KCNMA1: variants seen among roughly 807,000 people sequenced by gnomAD.
KCNMA1 encodes the protein Calcium-activated potassium channel subunit alpha-1.
KCNMA1 carries 29 observed loss-of-function variants against 140.0 expected under a neutral mutation model. The ratio of observed to expected loss-of-function variants is 0.21; its 90% CI spans 0.15 to 0.28. The LOEUF (loss-of-function observed/expected upper bound fraction) is 0.28. Among genes scored for constraint, KCNMA1 ranks in the 10% least tolerant of loss-of-function variants. KCNMA1 has a pLI of 1.00. For missense variants in KCNMA1, 880 were observed against 1,602.2 expected, an observed-to-expected ratio of 0.55 and a Z score of 7.70; for synonymous variants, 612 against 611.9, an observed-to-expected ratio of 1.00 and a Z score of 0.00.
chr10:76,935,070 C>T (rs1004402069), intron 23 of KCNMA1, among the ~76,000 whole-genome samples: 2 of 152,184 alleles, frequency 1.3e-5, no homozygotes, highest in South Asian at 2.1e-4. Context: ...ACAGGCTAAG[C>T]ACAGTGCTTC....
chr10:77,392,259 A>AGGGAGGGAAAGGAAGGGAG (rs1566528357), intron 2 of KCNMA1, among the ~76,000 whole-genome samples: 1 of 94,394 alleles, frequency 1.1e-5, no homozygotes, highest in Non-Finnish European at 2.0e-5. Context: ...AGGGAAGGGA[A>AGGGAGGGAAAGGAAGGGAG]GGGAGGGAAA....
chr10:77,323,714 C>T (rs1211624775), intron 2 of KCNMA1, among the ~76,000 whole-genome samples: 2 of 152,184 alleles, frequency 1.3e-5, no homozygotes, highest in Non-Finnish European at 2.9e-5. Flanking sequence ...TATTTATATG[C>T]ATTTTCTACT....
At chr10:76,883,097 T>G (rs1442858836), downstream of KCNMA1, among the ~76,000 whole-genome samples, 1 of 152,190 alleles carries the variant, frequency 6.6e-6, no homozygotes, top group Non-Finnish European at 1.5e-5. Context: ...GGGATCTTGA[T>G]GATGCTGCCA....
In KCNMA1 at chr10:77,024,564, GT is replaced by G. The variant is rs377689974; in HGVS notation, c.1928+3258del. ...CTATCCTGGAACTATTAACCCAAAA[GT>G]TTTTTTTTAAATGCCATTGATGATG... is the stretch of plus-strand genomic sequence containing the variant. On this transcript the variant is annotated intron_variant, in intron 16 of 27. Coordinates refer to ENST00000286628, the MANE Select transcript of KCNMA1 (RefSeq NM_001161352.2). 2.4e-3 allele frequency among the ~76,000 whole-genome samples: 358 copies of G among 151,586 alleles called. 2 individuals are homozygous for G. The highest frequency in any genetic ancestry group is 7.9e-3 in the African/African-American group (326 of 41,310).
rs1305541815 is a variant in KCNMA1, at chr10:77,569,578, A to G, written c.378+67687T>C. Among the ~76,000 whole-genome samples the G allele has an allele frequency of 2.0e-5, 3 of 151,868 alleles. 1 individual carries two copies. The highest frequency in any genetic ancestry group is 2.0e-4 in the Admixed American group (3 of 15,244). On this transcript the variant is annotated intron_variant, in intron 1 of 27. Coordinates refer to ENST00000286628, the MANE Select transcript of KCNMA1 (RefSeq NM_001161352.2). The stretch of plus-strand genomic sequence containing the variant: ...ATCCCTTCCTTACACCTTATACAAA[A>G]ATCAATTCAAGATGGATTAAAGACT...
At chr10:77,005,233 T>C (rs901155847) in intron 18 of KCNMA1, among the ~76,000 whole-genome samples, 5 of 152,142 alleles carry the variant, frequency 3.3e-5, no homozygotes, top group Non-Finnish European at 5.9e-5. Flanking sequence ...AATTGAAATA[T>C]ATGCAGTGTC....
At chr10:77,542,490 C>A (rs555017602) in intron 1 of KCNMA1, among the ~76,000 whole-genome samples, 9 of 152,150 alleles carry the variant, frequency 5.9e-5, no homozygotes, top group Non-Finnish European at 1.3e-4. Flanking sequence ...ATTGTTAGAA[C>A]GCCTTGGAAG....
chr10:77,464,457 TAAAA>T (rs5786289), intron 1 of KCNMA1, among the ~76,000 whole-genome samples: 62 of 147,056 alleles, frequency 4.2e-4, no homozygotes, highest in Middle Eastern at 3.5e-3. Context: ...ATCTCTCCAT[TAAAA>T]AAAAAAAATT....
intron 25 of KCNMA1, among the ~76,000 whole-genome samples, chr10:76,898,033 A>C (rs1471704975): frequency 6.6e-6 from 1 of 151,892 alleles, no homozygotes; most frequent in Non-Finnish European, 1.5e-5. Flanking sequence ...ATACCAAAAG[A>C]TGGATCATAA....
At chr10:77,381,160 C>G (rs1345967911) in intron 2 of KCNMA1, among the ~76,000 whole-genome samples, 1 of 152,064 alleles carries the variant, frequency 6.6e-6, no homozygotes, top group African/African-American at 2.4e-5. Flanking sequence ...CTACTGTGTT[C>G]CAGGAAATAA....
rs150070165 is a variant in KCNMA1, at chr10:77,579,225, G to A, written c.378+58040C>T. Among the ~76,000 whole-genome samples, 196 of 152,338 alleles carry A rather than the reference G, an allele frequency of 1.3e-3. 2 individuals carry two copies. Among genetic ancestry groups the A allele is most frequent in the African/African-American group, 4.5e-3 (188 of 41,590 alleles). Reference sequence around the variant, plus strand: ...AAATGGCCCATGCAGGGCATCTGCCGGCAGCTGGGAGTTGCTAAGAGCATG... The same window carrying A: ...AAATGGCCCATGCAGGGCATCTGCCAGCAGCTGGGAGTTGCTAAGAGCATG... On this transcript the variant is annotated intron_variant, in intron 1 of 27. Coordinates refer to ENST00000286628, the MANE Select transcript of KCNMA1 (RefSeq NM_001161352.2).
intron 7 of KCNMA1, 62 bp from the exon 8 acceptor site, chr10:77,110,405 T>C (rs2097292508): frequency 1.4e-6 from 2 of 1,439,834 alleles, no homozygotes; most frequent in Non-Finnish European, 2.0e-6. Context: ...ATACATGCAA[T>C]AAACGCGGAA....
intron 14 of KCNMA1, among the ~76,000 whole-genome samples, chr10:77,039,947 G>A (rs1389607755): frequency 7.9e-5 from 11 of 139,514 alleles, no homozygotes; most frequent in African/African-American, 2.4e-4. Context: ...AGTGCAGTGG[G>A]TCATAGCTCA....
intron 5 of KCNMA1, among the ~76,000 whole-genome samples, chr10:77,166,011 A>G (rs1208227873): frequency 6.6e-6 from 1 of 152,090 alleles, no homozygotes; most frequent in Non-Finnish European, 1.5e-5. Flanking sequence ...TCTGCGGGCT[A>G]TGGGAGGAGG....
rs1564965958 is a variant in KCNMA1 at position 77,171,404 on chromosome 10, T to TGTGTGTGTGC, written c.808+12016_808+12017insGCACACACAC. ...ACGTGTGCGTGTGTGTGTGTGCGTG[T>TGTGTGTGTGC]GTGTGTGTGTGTGTGTGTGTGTGTG... On this transcript the variant is annotated intron_variant, in intron 5 of 27. Coordinates refer to ENST00000286628, the MANE Select transcript of KCNMA1 (RefSeq NM_001161352.2). Among the ~76,000 whole-genome samples the TGTGTGTGTGC allele has an allele frequency of 4.8e-4, 17 of 35,474 alleles. No individual in the cohort carries two copies. The South Asian group carries it at 0.023, about 48-fold the overall frequency. The allele number at this position is 35,474 out of a possible 152,430, so 23.3% of individuals were successfully genotyped here.
intron 1 of KCNMA1, among the ~76,000 whole-genome samples, chr10:77,466,983 TAGAGAAA>T (rs2098034906): frequency 6.6e-6 from 1 of 151,324 alleles, no homozygotes; most frequent in African/African-American, 2.4e-5. Context: ...AAAGAAAAAG[TAGAGAAA>T]AGAAAAAAGA....
chr10:77,431,865 C>A (rs1052139575), intron 1 of KCNMA1, among the ~76,000 whole-genome samples: 5 of 152,014 alleles, frequency 3.3e-5, no homozygotes, highest in Admixed American at 3.3e-4. Context: ...TGGTGGTGCA[C>A]ACCTGTAGTC....
chr10:76,878,840 G>A (rs1589363769), intron 29 of KCNMA1, among the ~76,000 whole-genome samples: 1 of 152,092 alleles, frequency 6.6e-6, no homozygotes, highest in Non-Finnish European at 1.5e-5. Flanking sequence ...AATTTTCTGG[G>A]AAATTGGCCA....
chr10:77,506,992 G>A (rs935835193), intron 1 of KCNMA1, among the ~76,000 whole-genome samples: 1 of 152,028 alleles, frequency 6.6e-6, no homozygotes, highest in South Asian at 2.1e-4. Flanking sequence ...CCCTCCAGCC[G>A]CCCATGGCAA....
Sources: allele counts gnomAD v4.1 joint callset (sites outside exome capture counted in the v4.1 genomes callset), GRCh38; gene constraint gnomAD v4.1.1; transcripts MANE v1.5; gene names NCBI Gene and HGNC (gene_info 2026-07-23, HGNC 2026-07-21).